FBXO17: variants seen among roughly 807,000 people sequenced by gnomAD.
FBXO17 encodes F-box only protein 17.
A neutral mutation model predicts 34.1 loss-of-function variants in FBXO17; 43 were observed. The ratio of observed to expected loss-of-function variants is 1.26; its 90% CI spans 0.99 to 1.62. The LOEUF is 1.62. Among genes scored for constraint, FBXO17 ranks in the 40% most tolerant of loss-of-function variants. The pLI, the probability that FBXO17 is intolerant of heterozygous loss-of-function variation, is 0.00. For missense variants in FBXO17, 424 were observed against 386.7 expected, an observed-to-expected ratio of 1.10 and a Z score of -0.81; for synonymous variants, 169 against 166.0, an observed-to-expected ratio of 1.02 and a Z score of -0.14.
At chr19:38,946,145 C>A (rs1047930171) in intron 4 of FBXO17, 5 of 394,776 alleles carry the variant, frequency 1.3e-5, no homozygotes, top group Non-Finnish European at 2.3e-5. Flanking sequence ...GGGCACCATG[C>A]TCCCACCCCT....
intron 1 of FBXO17, among the ~76,000 whole-genome samples, chr19:38,973,468 C>T (rs1272501390): frequency 2.6e-5 from 4 of 152,120 alleles, no homozygotes; most frequent in African/African-American, 4.8e-5. Context: ...TAACAAGATC[C>T]CCGTGGGGGC....
chr19:38,965,961 T>A (rs1208064421), intron 1 of FBXO17, among the ~76,000 whole-genome samples: 1 of 150,992 alleles, frequency 6.6e-6, no homozygotes, highest in East Asian at 1.9e-4. Context: ...TTTTTATTTA[T>A]TTATTTTTAT....
At position 38,971,714 on chromosome 19, in the gene FBXO17, G is replaced by C. The variant is rs567101789; in HGVS notation, c.-18+3872C>G. Among the ~76,000 whole-genome samples, 205 of 151,988 alleles carry C rather than the reference G, an allele frequency of 1.3e-3. 1 individual carries two copies. The highest frequency in any genetic ancestry group is 4.5e-3 in the African/African-American group (188 of 41,444). On this transcript the variant is annotated intron_variant, in intron 1 of 5. Coordinates refer to ENST00000292852, the MANE Select transcript of FBXO17 (RefSeq NM_024907.7). ...AAGTGGGAGGATCACTTGAGCCCAG[G>C]AAGTTGAGGCTGCAGTGAGCCAAGA... is the stretch of plus-strand genomic sequence containing the variant.
In FBXO17 at chr19:38,944,962, G is replaced by C; in HGVS notation, c.693+7C>G. 5.6e-6 allele frequency: 9 copies of C among 1,614,118 alleles called. No individual in the cohort carries two copies. The highest frequency in any genetic ancestry group is 6.8e-6 in the Non-Finnish European group (8 of 1,180,002). ...TCGGGGGGAGCTGGAAGCTAGTCTG[G>C]ACCCACCTGTCGGCAGCCCCTCTCA... On this transcript the variant is annotated splice_region_variant and intron_variant, in intron 5 of 5. Transcript: ENST00000292852.
At chr19:38,944,298 C>CA (rs1974939796) in intron 5 of FBXO17, among the ~76,000 whole-genome samples, 1 of 91,942 alleles carries the variant, frequency 1.1e-5, no homozygotes, top group Non-Finnish European at 2.1e-5. Context: ...GTTAGCGTCT[C>CA]AGTCTGTTGC....
intron 5 of FBXO17, 122 bp downstream of exon 5, chr19:38,944,847 T>C: frequency 7.2e-7 from 1 of 1,395,820 alleles, no homozygotes; most frequent in Non-Finnish European, 9.8e-7. Flanking sequence ...AAGGGCTCGA[T>C]ACTTCTTAGC....
At chr19:38,970,620 C>T (rs1222958648) in intron 1 of FBXO17, among the ~76,000 whole-genome samples, 4 of 152,084 alleles carry the variant, frequency 2.6e-5, no homozygotes, top group Non-Finnish European at 5.9e-5. Flanking sequence ...ACAGTTTTTC[C>T]CAGACCCATT....
At chr19:38,945,289 C>T in intron 4 of FBXO17, 185 bp from the exon 5 acceptor site, 1 of 761,208 alleles carries the variant, frequency 1.3e-6, no homozygotes, top group Non-Finnish European at 2.0e-6. Flanking sequence ...GAACCAGAGC[C>T]TGGCGGAGGA....
intron 5 of FBXO17, 149 bp from the exon 6 acceptor site, chr19:38,942,900 C>T (rs537934893): frequency 1.8e-5 from 17 of 941,018 alleles, no homozygotes; most frequent in Admixed American, 1.2e-4. Flanking sequence ...AAAAGGACCC[C>T]GCCCTGGTGT....
At chr19:38,947,938 G>T (rs1568438640) in intron 3 of FBXO17, among the ~76,000 whole-genome samples, 1 of 150,478 alleles carries the variant, frequency 6.6e-6, no homozygotes, top group Non-Finnish European at 1.5e-5. Flanking sequence ...TATATGTAAA[G>T]TGTCTAGTAT....
intron 1 of FBXO17, among the ~76,000 whole-genome samples, chr19:38,952,079 T>C (rs1039220803): frequency 2.0e-5 from 3 of 152,162 alleles, no homozygotes; most frequent in African/African-American, 7.2e-5. Context: ...GCCTCCCAAG[T>C]AGCTGGAATT....
rs774522253 is a variant in FBXO17 at position 38,942,517 on chromosome 19, C to T, written c.*91G>A. 9.5e-6 allele frequency: 13 copies of T among 1,371,622 alleles called. No individual in the cohort carries two copies. Among genetic ancestry groups the T allele is most frequent in the Non-Finnish European group, 1.2e-5 (13 of 1,043,550 alleles). 85.0% of individuals were successfully genotyped at this position (1,371,622 alleles called of 1,614,324 possible). On this transcript the variant is annotated 3_prime_UTR_variant, in exon 6 of 6. Transcript: ENST00000292852. ...GCTCCAGTGATCCTCCCACCTCGGC[C>T]TCCTGAAGTGCTGGGATTCCACAGG...
At position 38,944,940 on chromosome 19, in the gene FBXO17, G is replaced by C. The variant is rs372292215; in HGVS notation, c.693+29C>G. The stretch of plus-strand genomic sequence containing the variant: ...GGGCGTGTGTGCCTTTAGCGGGTCG[G>C]GGGGAGCTGGAAGCTAGTCTGGACC... On this transcript the variant is annotated intron_variant, in intron 5 of 5. Transcript: ENST00000292852. 210 of 1,613,134 alleles carry C rather than the reference G, an allele frequency of 1.3e-4. No homozygotes were observed. The Admixed American group carries it at 1.3e-3, about 10-fold the overall frequency.
chr19:38,949,695 C>A, intron 2 of FBXO17: 2 of 561,290 alleles, frequency 3.6e-6, no homozygotes, highest in South Asian at 4.7e-5. Flanking sequence ...CTGTCCTGTT[C>A]TGCATCCCCT....
intron 1 of FBXO17, 121 bp from the exon 2 acceptor site, chr19:38,950,457 AG>A: frequency 7.7e-7 from 1 of 1,291,520 alleles, no homozygotes. Flanking sequence ...ATGGGCAACC[AG>A]GGACCCATTT....
chr19:38,944,388 G>A (rs1030476545), intron 5 of FBXO17, among the ~76,000 whole-genome samples: 7 of 152,036 alleles, frequency 4.6e-5, no homozygotes, highest in East Asian at 1.9e-4. Flanking sequence ...GACTGCAGGT[G>A]CAAGTCACCA....
At chr19:38,964,150 A>G (rs1335828945) in intron 1 of FBXO17, among the ~76,000 whole-genome samples, 1 of 152,134 alleles carries the variant, frequency 6.6e-6, no homozygotes, top group Non-Finnish European at 1.5e-5. Context: ...GTGTATATTT[A>G]ACGTTACAAG....
Position 38,942,767 on chromosome 19 carries a change from G to T in FBXO17, c.694-16C>A. The T allele has an allele frequency of 6.3e-7, 1 of 1,596,300 alleles. No individual in the cohort carries two copies. Among genetic ancestry groups the T allele is most frequent in the Non-Finnish European group, 8.5e-7 (1 of 1,173,244 alleles). On this transcript the variant is annotated splice_polypyrimidine_tract_variant and intron_variant, in intron 5 of 5. Coordinates refer to ENST00000292852, the MANE Select transcript of FBXO17 (RefSeq NM_024907.7). Reference sequence around the variant, plus strand: ...CGTGGGAGACCTGCAGGGGGAAGGGGAGTGAGAGGGTGAGGGCCTGCGGGC... The same window carrying T: ...CGTGGGAGACCTGCAGGGGGAAGGGTAGTGAGAGGGTGAGGGCCTGCGGGC...
At chr19:38,972,214 G>C (rs1459221862) in intron 1 of FBXO17, among the ~76,000 whole-genome samples, 1 of 152,034 alleles carries the variant, frequency 6.6e-6, no homozygotes, top group Non-Finnish European at 1.5e-5. Flanking sequence ...TATAAGCTGG[G>C]ACCAAGGGAA....
Sources: gnomAD v4.1 joint callset for allele counts (sites outside exome capture counted in the v4.1 genomes callset) on GRCh38, gnomAD v4.1.1 for gene constraint, MANE v1.5 for transcripts, NCBI Gene and HGNC (gene_info 2026-07-23, HGNC 2026-07-21) for gene names.